The following RAF1 variants were observed in gnomAD, a reference collection of about 807,000 sequenced individuals.
RAF1 encodes Raf-1 proto-oncogene, serine/threonine kinase.
In RAF1, 27 loss-of-function variants were observed where a neutral mutation model predicts 81.1. That is an observed-to-expected ratio of 0.33 (90% CI 0.25 to 0.46). The LOEUF is 0.46. Ranked by LOEUF, RAF1 falls within the 20% of genes least tolerant of loss-of-function variation. The pLI is 1.00. For synonymous variants in RAF1, 298 were observed against 294.0 expected (o/e 1.01, Z -0.14); for missense variants, 598 against 826.0 (o/e 0.72, Z 3.38).
intron 1 of RAF1, among the ~76,000 whole-genome samples, chr3:12,657,497 G>A (rs1251344110): frequency 1.3e-5 from 2 of 152,092 alleles, no homozygotes; most frequent in Admixed American, 6.6e-5. Context: ...GGGGCCAGGC[G>A]CAGTGGCTCA....
intron 12 of RAF1, 133 bp from the exon 12 acceptor site, chr3:12,591,107 A>G: frequency 1.2e-6 from 1 of 801,662 alleles, no homozygotes; most frequent in African/African-American, 1.7e-5. Context: ...AGTCCCAAAA[A>G]CAAACACATG....
rs185988355 is a variant in RAF1 at position 12,646,809 on chromosome 3, A to T, written c.-27+17004T>A. ...CAGGAGCCACCTGCCTCAGCCTCCC[A>T]AAACGCTGGGATTACAGGTGTGAGC... On this transcript the variant is annotated intron_variant, in intron 1 of 17. Coordinates refer to ENST00000442415, the MANE Select transcript of RAF1 (RefSeq NM_001354689.3). Among the ~76,000 whole-genome samples, 745 of 151,588 alleles carry T rather than the reference A, an allele frequency of 4.9e-3. 5 individuals are homozygous for T. Among genetic ancestry groups the T allele is most frequent in the African/African-American group, 0.017 (705 of 41,356 alleles).
intron 1 of RAF1, among the ~76,000 whole-genome samples, chr3:12,625,629 G>C (rs1233621585): frequency 1.3e-5 from 2 of 152,112 alleles, no homozygotes; most frequent in Admixed American, 1.3e-4. Context: ...AGGCAGGACT[G>C]GTTTAAAAAC....
chr3:12,663,914 G>A lies in RAF1; in HGVS notation c.-128C>T, dbSNP rs1023604704. 2.0e-5 allele frequency: 8 copies of A among 398,250 alleles called. No homozygotes were observed. Among genetic ancestry groups the A allele is most frequent in the Non-Finnish European group, 3.5e-5 (8 of 225,782 alleles). 24.7% of individuals were successfully genotyped at this position (398,250 alleles called of 1,614,324 possible). A position where few individuals can be genotyped will look rare whatever the true frequency, so the allele number is the denominator to read the frequency against. ...GAGGGAGCGGGAGGCGGTCACATTC[G>A]GCGCGTCCCCAGCCCAGGGGACGGA... is the stretch of plus-strand genomic sequence containing the variant. On this transcript the variant is annotated 5_prime_UTR_variant, in exon 1 of 18. The change creates a premature stop within an existing upstream ORF in the 5' untranslated region. Transcript: ENST00000442415.
intron 1 of RAF1, among the ~76,000 whole-genome samples, chr3:12,648,370 T>G (rs2060418730): frequency 6.7e-6 from 1 of 150,078 alleles, no homozygotes; most frequent in African/African-American, 2.4e-5. Context: ...ATTTCCACAC[T>G]AATTTCTCTT....
chr3:12,586,227 A>G (rs1354369052), intron 14 of RAF1, among the ~76,000 whole-genome samples: 1 of 152,168 alleles, frequency 6.6e-6, no homozygotes, highest in Non-Finnish European at 1.5e-5. Flanking sequence ...TCTGCCCTCA[A>G]ATCACCATCT....
chr3:12,610,389 G>A (rs79931259), intron 3 of RAF1, among the ~76,000 whole-genome samples: 5,223 of 152,224 alleles, frequency 0.034, 314 homozygotes, highest in African/African-American at 0.12. Flanking sequence ...AAGAGAAGGA[G>A]GACAAGCCTT....
chr3:12,606,706 AT>A lies in RAF1; in HGVS notation c.582-408del, dbSNP rs572934031. Among the ~76,000 whole-genome samples, 109 of 148,882 alleles carry A rather than the reference AT, an allele frequency of 7.3e-4. 2 individuals carry two copies. Among genetic ancestry groups the A allele is most frequent in the South Asian group, 4.7e-3 (22 of 4,696 alleles). Reference sequence around the variant, plus strand: ...ACCACCATGCCCAGCTAATTTTCGTATTTTTTTTTTAATTATACTTTAAGTT... The same window carrying A: ...ACCACCATGCCCAGCTAATTTTCGTATTTTTTTTTAATTATACTTTAAGTT... On this transcript the variant is annotated intron_variant, in intron 5 of 17. Coordinates refer to ENST00000442415, the MANE Select transcript of RAF1 (RefSeq NM_001354689.3).
At chr3:12,659,399 G>A (rs1444839447) in intron 1 of RAF1, among the ~76,000 whole-genome samples, 2 of 113,956 alleles carry the variant, frequency 1.8e-5, no homozygotes, top group Non-Finnish European at 3.3e-5. Context: ...CTGCACTCCA[G>A]CCTGGGCAAC....
At chr3:12,608,087 T>C (rs900084321) in intron 5 of RAF1, among the ~76,000 whole-genome samples, 1 of 152,050 alleles carries the variant, frequency 6.6e-6, no homozygotes, top group Non-Finnish European at 1.5e-5. Flanking sequence ...ATTTTCATCA[T>C]GGTCTAATAA....
Position 12,590,804 on chromosome 3 carries a change from C to G in RAF1, c.1424G>C (p.Gly475Ala). 6.2e-7 allele frequency: 1 copy of G among 1,612,878 alleles called. No homozygotes were observed. The highest frequency in any genetic ancestry group is 8.5e-7 in the Non-Finnish European group (1 of 1,179,442). The stretch of plus-strand genomic sequence containing the variant: ...CATCAGACCATCTACTCACTCCATT[C>G]CCTGAGCCGTCTGCCGGGCAATGTC... Residue 475 changes from glycine to alanine, a missense_variant, in exon 13 of 18, where the codon GGA (glycine) becomes GCA (alanine). Transcript: ENST00000442415.
Position 12,651,963 on chromosome 3 carries a change from C to T in RAF1, c.-27+11850G>A, listed in dbSNP as rs184037456. ...GGTGGAGGTTGTGGTGAGCCGAGAT[C>T]GCGCCACTGCACTCTAGCCTGGGCA... is the stretch of plus-strand genomic sequence containing the variant. On this transcript the variant is annotated intron_variant, in intron 1 of 17. Coordinates refer to ENST00000442415, the MANE Select transcript of RAF1 (RefSeq NM_001354689.3). Among the ~76,000 whole-genome samples the T allele has an allele frequency of 2.0e-3, 300 of 151,392 alleles. 1 individual carries two copies. The highest frequency in any genetic ancestry group is 6.3e-3 in the African/African-American group (261 of 41,220).
At chr3:12,597,120 A>C (rs1006806808) in intron 11 of RAF1, among the ~76,000 whole-genome samples, 1 of 152,156 alleles carries the variant, frequency 6.6e-6, no homozygotes, top group South Asian at 2.1e-4. Context: ...GGATGGTCTC[A>C]ATCTACTGAC....
chr3:12,613,184 A>T (rs2059269802), intron 2 of RAF1, among the ~76,000 whole-genome samples: 1 of 152,198 alleles, frequency 6.6e-6, no homozygotes, highest in East Asian at 1.9e-4. Context: ...GGATACTCAC[A>T]ATTAATGGCA....
At chr3:12,613,562 T>G (rs904912205) in intron 2 of RAF1, among the ~76,000 whole-genome samples, 15 of 152,252 alleles carry the variant, frequency 9.9e-5, no homozygotes, top group African/African-American at 3.4e-4. Flanking sequence ...TCCAGCCACC[T>G]CAATGCCAAT....
In RAF1 at chr3:12,611,328, T is replaced by C. The variant is rs138693186; in HGVS notation, c.320+622A>G. ...AAGCCCCTGGGGTCATGCAATATTCTCACGTCAGCCTTTCGAACAGCTAGG... is the reference window on the plus strand; with the variant it reads ...AAGCCCCTGGGGTCATGCAATATTCCCACGTCAGCCTTTCGAACAGCTAGG... On this transcript the variant is annotated intron_variant, in intron 3 of 17. Transcript: ENST00000442415. Among the ~76,000 whole-genome samples, 717 of 152,114 alleles carry C rather than the reference T, an allele frequency of 4.7e-3. 8 individuals are homozygous for C. The highest frequency in any genetic ancestry group is 0.016 in the African/African-American group (667 of 41,510).
At position 12,584,504 on chromosome 3, in the gene RAF1, G is replaced by A. The variant is rs759286349; in HGVS notation, c.*10C>T. ...CTCCCCTGGCAGCCTGAAGACAGGT[G>A]CAAAGTCAACTAGAAGACAGGCAGC... On this transcript the variant is annotated 3_prime_UTR_variant, in exon 18 of 18. Coordinates refer to ENST00000442415, the MANE Select transcript of RAF1 (RefSeq NM_001354689.3). The A allele has an allele frequency of 6.2e-7, 1 of 1,614,186 alleles. No homozygotes were observed. The highest frequency in any genetic ancestry group is 2.2e-5 in the East Asian group (1 of 44,884).
At chr3:12,645,555 ATT>A (rs760074601) in intron 1 of RAF1, among the ~76,000 whole-genome samples, 4 of 152,112 alleles carry the variant, frequency 2.6e-5, no homozygotes, top group African/African-American at 4.8e-5. Context: ...TACCTTTAAA[ATT>A]TTTGTTTGTT....
At position 12,614,606 on chromosome 3, in the gene RAF1, T is replaced by C. The variant is rs567401356; in HGVS notation, c.208-2544A>G. Among the ~76,000 whole-genome samples the C allele has an allele frequency of 1.1e-4, 16 of 150,566 alleles. No homozygotes were observed. The South Asian group carries it at 1.7e-3, about 16-fold the overall frequency. On this transcript the variant is annotated intron_variant, in intron 2 of 17. Coordinates refer to ENST00000442415, the MANE Select transcript of RAF1 (RefSeq NM_001354689.3). The stretch of plus-strand genomic sequence containing the variant: ...ACTTCTAGCTAATGTTTTTTTTTTT[T>C]GTAGAGACAAGATCTCACTATATTG...
Sources: gnomAD v4.1 joint callset for allele counts (sites outside exome capture counted in the v4.1 genomes callset) on GRCh38, gnomAD v4.1.1 for gene constraint, MANE v1.5 for transcripts, NCBI Gene and HGNC (gene_info 2026-07-23, HGNC 2026-07-21) for gene names.